MTUS2: variants seen among roughly 807,000 people sequenced by gnomAD.
The protein encoded by MTUS2 is microtubule associated scaffold protein 2, also known as microtubule-associated tumor suppressor candidate 2.
MTUS2 carries 40 observed loss-of-function variants against 114.1 expected under a neutral mutation model. That is an observed-to-expected ratio of 0.35 (90% CI 0.27 to 0.46). MTUS2 has a LOEUF of 0.46. MTUS2 is among the 20% of genes least tolerant of loss of function. The pLI, the probability that MTUS2 is intolerant of heterozygous loss-of-function variation, is 1.00. For synonymous variants in MTUS2, 688 were observed against 672.0 expected, an observed-to-expected ratio of 1.02 and a Z score of -0.37; for missense variants, 1,679 against 1,705.4, an observed-to-expected ratio of 0.98 and a Z score of 0.27.
At chr13:28,928,241 AAAACAGAC>A (rs1282781489) in intron 2 of MTUS2, among the ~76,000 whole-genome samples, 2 of 152,206 alleles carry the variant, frequency 1.3e-5, no homozygotes, top group African/African-American at 4.8e-5. Flanking sequence ...AACCAAGGCA[AAAACAGAC>A]AAACGGGATT....
At chr13:29,379,247 T>C (rs1872006224) in intron 8 of MTUS2, among the ~76,000 whole-genome samples, 1 of 152,220 alleles carries the variant, frequency 6.6e-6, no homozygotes, top group African/African-American at 2.4e-5. Flanking sequence ...CATTGACTTT[T>C]GGTCATAAGC....
intron 7 of MTUS2, among the ~76,000 whole-genome samples, 173 bp downstream of exon 7, chr13:29,324,884 A>C (rs1274237877): frequency 6.6e-6 from 1 of 152,238 alleles, no homozygotes; most frequent in Non-Finnish European, 1.5e-5. Context: ...CCAGCTGTTC[A>C]CATCATTTAA....
intron 5 of MTUS2, among the ~76,000 whole-genome samples, chr13:29,258,755 C>T (rs1485753849): frequency 6.6e-6 from 1 of 152,138 alleles, no homozygotes; most frequent in Non-Finnish European, 1.5e-5. Flanking sequence ...TATTTCTCTT[C>T]TGCTTAAGCC....
chr13:28,980,198 A>G (rs1356056862), intron 2 of MTUS2, among the ~76,000 whole-genome samples: 1 of 152,252 alleles, frequency 6.6e-6, no homozygotes, highest in Non-Finnish European at 1.5e-5. Flanking sequence ...ATTGATTACA[A>G]TAGAGTCCAT....
At chr13:29,231,953 TA>T (rs1371938552) in intron 5 of MTUS2, among the ~76,000 whole-genome samples, 22 of 152,350 alleles carry the variant, frequency 1.4e-4, no homozygotes, top group African/African-American at 4.6e-4. Flanking sequence ...TTTGTTGCTT[TA>T]ATATGAGGAT....
intron 8 of MTUS2, chr13:29,428,560 A>G: frequency 1.4e-6 from 1 of 691,232 alleles, no homozygotes; most frequent in Non-Finnish European, 2.2e-6. Flanking sequence ...CCAGTGGCAA[A>G]GTGACCCTCC....
At chr13:29,315,997 A>G (rs921421836) in intron 6 of MTUS2, among the ~76,000 whole-genome samples, 33 of 152,222 alleles carry the variant, frequency 2.2e-4, no homozygotes, top group Admixed American at 1.0e-3. Flanking sequence ...CAGGTGTCAA[A>G]GAACTGAAAG....
chr13:29,008,367 A>G (rs926291361), intron 2 of MTUS2, among the ~76,000 whole-genome samples: 5 of 152,210 alleles, frequency 3.3e-5, no homozygotes, highest in Admixed American at 1.3e-4. Flanking sequence ...CCTCAGGACC[A>G]TCAGTCACAT....
intron 5 of MTUS2, among the ~76,000 whole-genome samples, chr13:29,101,908 G>A (rs1245948289): frequency 2.6e-5 from 4 of 152,190 alleles, no homozygotes; most frequent in Admixed American, 6.5e-5. Flanking sequence ...ATGATGTGTG[G>A]AACATTTGCG....
intron 2 of MTUS2, among the ~76,000 whole-genome samples, chr13:28,906,764 A>G (rs542703452): frequency 6.6e-6 from 1 of 151,638 alleles, no homozygotes; most frequent in African/African-American, 2.4e-5. Context: ...GTAGATGTCT[A>G]TTAGGTCTGC....
At chr13:29,452,472 A>G (rs181588600) in intron 9 of MTUS2, among the ~76,000 whole-genome samples, 16 of 151,704 alleles carry the variant, frequency 1.1e-4, no homozygotes, top group African/African-American at 2.4e-4. Flanking sequence ...CAGACGTGCA[A>G]TTGTAACTCC....
intron 2 of MTUS2, among the ~76,000 whole-genome samples, chr13:28,993,674 C>T (rs1884959837): frequency 6.6e-6 from 1 of 151,990 alleles, no homozygotes. Flanking sequence ...AGACTCCTTT[C>T]CCTGTTATCT....
chr13:29,031,408 A>C lies in MTUS2; in HGVS notation c.2206-2477A>C, dbSNP rs557472357. 2.0e-4 allele frequency among the ~76,000 whole-genome samples: 29 copies of C among 147,794 alleles called. 1 individual carries two copies. Among genetic ancestry groups the C allele is most frequent in the South Asian group, 1.1e-3 (5 of 4,440 alleles). The stretch of plus-strand genomic sequence containing the variant: ...AGAGAGGGTACATCACATAATCTCT[A>C]TATATATATATAGAGAGAGATTGAT... On this transcript the variant is annotated intron_variant, in intron 3 of 15. Transcript: ENST00000612955.
At chr13:28,858,554 A>G (rs1236064200) in intron 2 of MTUS2, among the ~76,000 whole-genome samples, 1 of 152,164 alleles carries the variant, frequency 6.6e-6, no homozygotes, top group East Asian at 1.9e-4. Context: ...GGTTTGCTGC[A>G]TTGGAAGTTG....
chr13:29,039,093 G>C (rs1414442853), intron 4 of MTUS2, among the ~76,000 whole-genome samples: 2 of 152,210 alleles, frequency 1.3e-5, no homozygotes, highest in East Asian at 3.9e-4. Context: ...TTGGGGAGGG[G>C]CCAGGTGCGG....
chr13:29,319,386 C>A (rs1900157427), intron 6 of MTUS2, among the ~76,000 whole-genome samples: 1 of 152,130 alleles, frequency 6.6e-6, no homozygotes, highest in Admixed American at 6.5e-5. Flanking sequence ...CCCTTGTTCC[C>A]CTCTCTTGGC....
At chr13:28,999,602 A>T (rs1885291217) in intron 2 of MTUS2, among the ~76,000 whole-genome samples, 1 of 152,216 alleles carries the variant, frequency 6.6e-6, no homozygotes, top group African/African-American at 2.4e-5. Flanking sequence ...TCAGTCACAA[A>T]CATTTGTCAT....
rs370120477 is a variant in MTUS2 at position 29,451,639 on chromosome 13, C to T, written c.3184+11590C>T. On this transcript the variant is annotated intron_variant, in intron 9 of 15. Coordinates refer to ENST00000612955, the MANE Select transcript of MTUS2 (RefSeq NM_001033602.4). ...TGCTCTTGTTGCCCAGGCTAGAATG[C>T]AGTGGCACAATCTCAGCTTACTGCA... is the stretch of plus-strand genomic sequence containing the variant. Among the ~76,000 whole-genome samples, 15 of 151,666 alleles carry T rather than the reference C, an allele frequency of 9.9e-5. No homozygotes were observed. In the South Asian group the frequency reaches 3.1e-3, roughly 32 times the overall value.
intron 10 of MTUS2, among the ~76,000 whole-genome samples, chr13:29,484,422 C>G (rs1389135754): frequency 6.6e-6 from 1 of 152,244 alleles, no homozygotes; most frequent in East Asian, 1.9e-4. Context: ...CCATCACAGC[C>G]CAGAGGTTCC....
Sources: gnomAD v4.1 joint callset for allele counts (sites outside exome capture counted in the v4.1 genomes callset) on GRCh38, gnomAD v4.1.1 for gene constraint, MANE v1.5 for transcripts, NCBI Gene and HGNC (gene_info 2026-07-23, HGNC 2026-07-21) for gene names.